The following NEK10 variants were observed in gnomAD, a reference collection of about 807,000 sequenced individuals.
NEK10 encodes serine/threonine-protein kinase Nek10.
Under a neutral mutation model 159.8 loss-of-function variants are expected in NEK10, and 122 were observed. The observed-to-expected ratio is 0.76, with a 90% CI of 0.66 to 0.89. The LOEUF (loss-of-function observed/expected upper bound fraction) is 0.89. NEK10 is among the 40% of genes least tolerant of loss of function. NEK10 has a pLI of 0.00. For synonymous variants in NEK10, 466 were observed against 457.1 expected (o/e 1.02, Z -0.25); for missense variants, 1,342 against 1,323.1 (o/e 1.01, Z -0.22).
At chr3:27,129,455 A>G (rs1427657791) in intron 32 of NEK10, among the ~76,000 whole-genome samples, 1 of 152,082 alleles carries the variant, frequency 6.6e-6, no homozygotes, top group African/African-American at 2.4e-5. Flanking sequence ...CCACTCCTCT[A>G]TGGTTACACA....
rs533368549 is a variant in NEK10, at chr3:27,214,661, T to C, written c.2091-12104A>G. Among the ~76,000 whole-genome samples, 80 of 152,132 alleles carry C rather than the reference T, an allele frequency of 5.3e-4. 1 individual carries two copies. The highest frequency in any genetic ancestry group is 1.9e-3 in the African/African-American group (78 of 41,502). On this transcript the variant is annotated intron_variant, in intron 23 of 35. Coordinates refer to ENST00000691995, the MANE Select transcript of NEK10 (RefSeq NM_001394966.1). The stretch of plus-strand genomic sequence containing the variant: ...ACTTGGTTTCGAATACATAACCAGG[T>C]GCTGGAGTTTAAAGCATTACTGATA...
In NEK10 at chr3:27,262,720, G is replaced by C. The variant is rs549139731; in HGVS notation, c.2015-6349C>G. 1.6e-3 allele frequency among the ~76,000 whole-genome samples: 250 copies of C among 152,196 alleles called. 2 individuals carry two copies. The highest frequency in any genetic ancestry group is 5.9e-3 in the African/African-American group (243 of 41,516). ...GGACTTCTCTGCATTGATTATTCTA[G>C]TTAGCCATTCATCTAATTTTTTTTC... On this transcript the variant is annotated intron_variant, in intron 22 of 35. Coordinates refer to ENST00000691995, the MANE Select transcript of NEK10 (RefSeq NM_001394966.1).
chr3:27,117,940 T>C (rs1387791353), intron 33 of NEK10, among the ~76,000 whole-genome samples: 3 of 152,226 alleles, frequency 2.0e-5, no homozygotes, highest in Non-Finnish European at 4.4e-5. Context: ...CTAGGGTTTT[T>C]ATAATTTTGG....
intron 5 of NEK10, among the ~76,000 whole-genome samples, chr3:27,339,538 T>C (rs535976387): frequency 6.6e-6 from 1 of 152,092 alleles, no homozygotes; most frequent in Non-Finnish European, 1.5e-5. Flanking sequence ...CCCAGCATTT[T>C]GGGAGGCTAA....
intron 31 of NEK10, among the ~76,000 whole-genome samples, chr3:27,136,716 G>C (rs1044030974): frequency 6.6e-6 from 1 of 152,160 alleles, no homozygotes; most frequent in Non-Finnish European, 1.5e-5. Flanking sequence ...CAGTTAGAAA[G>C]CAAGGTAAGG....
intron 22 of NEK10, among the ~76,000 whole-genome samples, chr3:27,259,826 C>T (rs1481521050): frequency 6.6e-6 from 1 of 152,104 alleles, no homozygotes; most frequent in African/African-American, 2.4e-5. Context: ...GCCATTTTCA[C>T]AATATTGATT....
intron 9 of NEK10, 28 bp from the exon 10 acceptor site, chr3:27,309,033 A>T: frequency 2.5e-6 from 3 of 1,182,738 alleles, no homozygotes; most frequent in Non-Finnish European, 3.7e-6. Flanking sequence ...ATAAAGTTTA[A>T]TTATATAAGT....
At chr3:27,160,840 A>C (rs190889180) in intron 30 of NEK10, among the ~76,000 whole-genome samples, 21 of 152,284 alleles carry the variant, frequency 1.4e-4, no homozygotes, top group African/African-American at 4.3e-4. Flanking sequence ...CAGGAGGAGG[A>C]GGCTTCAGTG....
intron 5 of NEK10, among the ~76,000 whole-genome samples, chr3:27,329,368 G>C (rs2046236711): frequency 6.6e-6 from 1 of 152,160 alleles, no homozygotes; most frequent in African/African-American, 2.4e-5. Context: ...CCCATTTCTT[G>C]GAGCTAAGTG....
chr3:27,183,188 C>T (rs1948295248), intron 26 of NEK10, among the ~76,000 whole-genome samples: 1 of 151,000 alleles, frequency 6.6e-6, no homozygotes, highest in African/African-American at 2.4e-5. Context: ...CACATGTACA[C>T]CATAAATATG....
chr3:27,215,921 A>C (rs1329712779), intron 23 of NEK10: 3 of 659,926 alleles, frequency 4.5e-6, no homozygotes, highest in African/African-American at 1.8e-5. Flanking sequence ...CCATCATGAG[A>C]ACAGCACCAA....
intron 30 of NEK10, among the ~76,000 whole-genome samples, chr3:27,145,921 A>G (rs1944253637): frequency 6.6e-6 from 1 of 152,120 alleles, no homozygotes; most frequent in Non-Finnish European, 1.5e-5. Context: ...AAGAGGCCAG[A>G]GGGAGGTGGT....
intron 29 of NEK10, among the ~76,000 whole-genome samples, chr3:27,166,059 G>A (rs953798436): frequency 2.6e-5 from 4 of 152,190 alleles, no homozygotes; most frequent in Non-Finnish European, 1.5e-5. Context: ...GAAATGAGAG[G>A]TTTGGCTTAC....
At chr3:27,198,657 AG>A (rs1450116692) in intron 25 of NEK10, among the ~76,000 whole-genome samples, 2 of 152,188 alleles carry the variant, frequency 1.3e-5, no homozygotes, top group Non-Finnish European at 2.9e-5. Context: ...AACTCAAGAC[AG>A]ATTAAAGACT....
Position 27,109,063 on chromosome 3 carries a change from C to T in NEK10, c.*2209G>A, listed in dbSNP as rs943230528. On this transcript the variant is annotated 3_prime_UTR_variant, in exon 36 of 36. Coordinates refer to ENST00000691995, the MANE Select transcript of NEK10 (RefSeq NM_001394966.1). ...TCACTGACTTCTAGCATAATAAATG[C>T]CCATTCCTATCACCTAAAAGAGTTA... Among the ~76,000 whole-genome samples the T allele has an allele frequency of 1.3e-5, 2 of 152,162 alleles. No homozygotes were observed. Among genetic ancestry groups the T allele is most frequent in the Admixed American group, 6.5e-5 (1 of 15,272 alleles).
chr3:27,278,933 T>C (rs1050469677), intron 22 of NEK10: 59 of 985,130 alleles, frequency 6.0e-5, no homozygotes, highest in Non-Finnish European at 7.0e-5. Context: ...GTCTGTTTCC[T>C]TGGATGGTTT....
At chr3:27,334,657 A>G (rs1172192426) in intron 5 of NEK10, among the ~76,000 whole-genome samples, 1 of 152,228 alleles carries the variant, frequency 6.6e-6, no homozygotes, top group Non-Finnish European at 1.5e-5. Flanking sequence ...GAAATCATAC[A>G]GAGACTGCAC....
At chr3:27,224,085 T>C (rs1952387868) in intron 23 of NEK10, among the ~76,000 whole-genome samples, 2 of 152,226 alleles carry the variant, frequency 1.3e-5, no homozygotes, top group South Asian at 4.1e-4. Context: ...TAATCCAATA[T>C]GACTACTGTA....
At chr3:27,237,459 A>G (rs1289708059) in intron 23 of NEK10, among the ~76,000 whole-genome samples, 8 of 152,196 alleles carry the variant, frequency 5.3e-5, no homozygotes, top group African/African-American at 1.9e-4. Context: ...TTATAAAAGT[A>G]TTAATTTTGG....
Sources: allele counts gnomAD v4.1 joint callset (sites outside exome capture counted in the v4.1 genomes callset), GRCh38; gene constraint gnomAD v4.1.1; transcripts MANE v1.5; gene names NCBI Gene and HGNC (gene_info 2026-07-23, HGNC 2026-07-21).